Variants in PPP2R2C observed in about 807,000 individuals in gnomAD.
PPP2R2C encodes the protein protein phosphatase 2 regulatory subunit Bgamma.
A neutral mutation model predicts 45.3 loss-of-function variants in PPP2R2C; 10 were observed. The ratio of observed to expected loss-of-function variants is 0.22; its 90% CI spans 0.14 to 0.37. PPP2R2C has a LOEUF of 0.37. PPP2R2C is among the 10% of genes least tolerant of loss of function. The pLI is 1.00. For missense variants in PPP2R2C, 308 were observed against 619.7 expected, an observed-to-expected ratio of 0.50 and a Z score of 5.34; for synonymous variants, 257 against 245.4, an observed-to-expected ratio of 1.05 and a Z score of -0.44.
intron 1 of PPP2R2C, chr4:6,382,716 C>CACACACACACA: frequency 2.7e-6 from 1 of 376,048 alleles, no homozygotes; most frequent in Non-Finnish European, 4.2e-6. Context: ...CACACACACA[C>CACACACACACA]CCCACATCCA....
At chr4:6,363,075 G>T (rs1313728441) in intron 5 of PPP2R2C, among the ~76,000 whole-genome samples, 2 of 152,184 alleles carry the variant, frequency 1.3e-5, no homozygotes, top group African/African-American at 4.8e-5. Flanking sequence ...AGGTGGAGAT[G>T]CTGACCTCGA....
chr4:6,397,662 A>G (rs903233034), intron 1 of PPP2R2C, among the ~76,000 whole-genome samples: 2 of 148,220 alleles, frequency 1.3e-5, no homozygotes, highest in Non-Finnish European at 3.0e-5. Context: ...CAGCTGCCAG[A>G]CCTACCAGGG....
chr4:6,464,004 G>T (rs1195979342), intron 1 of PPP2R2C, among the ~76,000 whole-genome samples: 1 of 152,196 alleles, frequency 6.6e-6, no homozygotes, highest in Non-Finnish European at 1.5e-5. Context: ...AATTAATGTA[G>T]CAGTCAGGAG....
chr4:6,470,995 G>A (rs905069478), intron 1 of PPP2R2C, among the ~76,000 whole-genome samples: 2 of 151,894 alleles, frequency 1.3e-5, no homozygotes, highest in African/African-American at 4.8e-5. Flanking sequence ...GGGCCTCCGC[G>A]GGGCTCCGGC....
Position 6,334,788 on chromosome 4 carries a change from C to A in PPP2R2C, c.791-1057G>T, listed in dbSNP as rs996438624. 1.4e-4 allele frequency among the ~76,000 whole-genome samples: 21 copies of A among 152,316 alleles called. No homozygotes were observed. The Middle Eastern group carries it at 0.01, about 74-fold the overall frequency. ...GGAAACCGGCTGAGTGGCAGCCTTG[C>A]CTGCTGGCCTGCTCTGGTCTCTACC... On this transcript the variant is annotated intron_variant, in intron 6 of 8. Coordinates refer to ENST00000382599, the MANE Select transcript of PPP2R2C (RefSeq NM_020416.4).
chr4:6,440,723 TGATGGA>T (rs1436404153), intron 1 of PPP2R2C, among the ~76,000 whole-genome samples: 2 of 152,220 alleles, frequency 1.3e-5, no homozygotes, highest in Non-Finnish European at 2.9e-5. Context: ...CTGGCATAGC[TGATGGA>T]CGCCGCCTGA....
chr4:6,410,183 T>C (rs977431692), intron 1 of PPP2R2C, among the ~76,000 whole-genome samples: 2 of 152,192 alleles, frequency 1.3e-5, no homozygotes, highest in African/African-American at 4.8e-5. Flanking sequence ...AGCGAGCTGA[T>C]GAAGCAGAGT....
chr4:6,357,187 G>A (rs1347792968), intron 5 of PPP2R2C, among the ~76,000 whole-genome samples: 1 of 152,082 alleles, frequency 6.6e-6, no homozygotes, highest in Non-Finnish European at 1.5e-5. Flanking sequence ...CTGAGGCTCA[G>A]GGAGCAGGAG....
chr4:6,475,626 C>G (rs2108774585), upstream of PPP2R2C, among the ~76,000 whole-genome samples: 1 of 152,316 alleles, frequency 6.6e-6, no homozygotes, highest in Non-Finnish European at 1.5e-5. Context: ...TTCTCGTGGT[C>G]TCACCCTGTG....
intron 1 of PPP2R2C, among the ~76,000 whole-genome samples, chr4:6,418,586 G>T (rs1718754809): frequency 6.6e-6 from 1 of 152,204 alleles, no homozygotes; most frequent in Non-Finnish European, 1.5e-5. Flanking sequence ...CTGGGCCTGG[G>T]CACCCTCAAC....
chr4:6,472,221 C>T lies in PPP2R2C; in HGVS notation c.9G>A (p.Glu3=). The T allele has an allele frequency of 6.2e-7, 1 of 1,613,114 alleles. No homozygotes were observed. The highest frequency in any genetic ancestry group is 1.1e-5 in the South Asian group (1 of 91,082). ...GGTTAATTTTCCGCGTGTCCGTGTC[C>T]TCGCCCATTGAAGGCCGTGCCCGGT... is the stretch of plus-strand genomic sequence containing the variant. MG[E]DTDTRKINHS... The change falls in exon 1 of 9, where the codon GAG becomes GAA. Residue 3 remains glutamate, a synonymous_variant. Transcript: ENST00000382599.
rs557232758 is a variant in PPP2R2C at position 6,368,650 on chromosome 4, G to A, written c.625+3873C>T. Among the ~76,000 whole-genome samples, 15 of 152,106 alleles carry A rather than the reference G, an allele frequency of 9.9e-5. No homozygotes were observed. Among genetic ancestry groups the A allele is most frequent in the African/African-American group, 1.4e-4 (6 of 41,480 alleles). ...TGTCTGAATGTCTTGTGGCCACCCC[G>A]ATCCAAAACTGGTTATGATACAATC... On this transcript the variant is annotated intron_variant, in intron 5 of 8. Coordinates refer to ENST00000382599, the MANE Select transcript of PPP2R2C (RefSeq NM_020416.4). This position sits in a 1 kb window ranked among gnomAD's most constrained non-coding sequence, Gnocchi z 4.2.
At chr4:6,416,605 C>A (rs887240158) in intron 1 of PPP2R2C, among the ~76,000 whole-genome samples, 1 of 152,242 alleles carries the variant, frequency 6.6e-6, no homozygotes, top group South Asian at 2.1e-4. Flanking sequence ...AGCCTGCAGG[C>A]TCCTCTTGTC....
At chr4:6,516,728 T>C (rs753239375) in intron 2 of PPP2R2C, among the ~76,000 whole-genome samples, 16 of 152,254 alleles carry the variant, frequency 1.1e-4, no homozygotes, top group Non-Finnish European at 2.1e-4. Flanking sequence ...GCTTTGGCGT[T>C]AACACATTTC....
At chr4:6,535,595 C>A (rs1279912173) in intron 1 of PPP2R2C, among the ~76,000 whole-genome samples, 1 of 152,188 alleles carries the variant, frequency 6.6e-6, no homozygotes, top group Non-Finnish European at 1.5e-5. Context: ...GAAATGGGGA[C>A]GACACACCAC....
chr4:6,356,311 C>T (rs1463941604), intron 5 of PPP2R2C, among the ~76,000 whole-genome samples: 1 of 152,220 alleles, frequency 6.6e-6, no homozygotes, highest in African/African-American at 2.4e-5. Flanking sequence ...TGTAGCTCAT[C>T]CAATCCCCTC....
intron 1 of PPP2R2C, among the ~76,000 whole-genome samples, chr4:6,407,908 G>C (rs1382953651): frequency 2.6e-5 from 4 of 152,174 alleles, no homozygotes; most frequent in African/African-American, 7.2e-5. Flanking sequence ...GTCTGAGCTG[G>C]GATGTATGGT....
rs375133359 is a variant in PPP2R2C, at chr4:6,454,752, G to A, written c.70+17408C>T. ...CTGTGGCACTCACTGTGTGGCCTTC[G>A]TCCTGGGACTCAACCTCTCTGAGGC... On this transcript the variant is annotated intron_variant, in intron 1 of 8. Coordinates refer to ENST00000382599, the MANE Select transcript of PPP2R2C (RefSeq NM_020416.4). Among the ~76,000 whole-genome samples, 8 of 152,130 alleles carry A rather than the reference G, an allele frequency of 5.3e-5. No individual in the cohort carries two copies. The East Asian group carries it at 5.8e-4, about 11-fold the overall frequency.
chr4:6,381,185 C>A (rs750272778), intron 1 of PPP2R2C, 91 bp from the exon 2 acceptor site: 1 of 1,547,536 alleles, frequency 6.5e-7, no homozygotes, highest in Admixed American at 2.0e-5. Flanking sequence ...GCGAGCTCCC[C>A]GCTCCCCGAG....
Sources: gnomAD v4.1 joint callset for allele counts (sites outside exome capture counted in the v4.1 genomes callset) on GRCh38, gnomAD v4.1.1 for gene constraint, Gnocchi (gnomAD v3.1) non-coding constraint, MANE v1.5 for transcripts, NCBI Gene and HGNC (gene_info 2026-07-23, HGNC 2026-07-21) for gene names.